Variants in AATF observed in about 807,000 individuals in gnomAD.
The protein encoded by AATF is protein AATF.
A neutral mutation model predicts 63.7 loss-of-function variants in AATF; 48 were observed. That is an observed-to-expected ratio of 0.75 (90% confidence interval 0.60 to 0.96). The LOEUF (loss-of-function observed/expected upper bound fraction) is 0.96. Among genes scored for constraint, AATF ranks in the 40% least tolerant of loss-of-function variants. The pLI is 0.00. For synonymous variants in AATF, 258 were observed against 247.7 expected, an observed-to-expected ratio of 1.04 and a Z score of -0.39; for missense variants, 639 against 685.7, an observed-to-expected ratio of 0.93 and a Z score of 0.76.
intron 8 of AATF, among the ~76,000 whole-genome samples, chr17:37,004,184 A>G (rs1159396260): frequency 6.6e-6 from 1 of 152,096 alleles, no homozygotes; most frequent in African/African-American, 2.4e-5. Flanking sequence ...ACAAAAAATT[A>G]GCCAGGCGTG....
chr17:37,022,113 CGTGTGTGTGTGTGTGTGTGTGT>C (rs71159679), intron 10 of AATF, among the ~76,000 whole-genome samples: 1 of 145,334 alleles, frequency 6.9e-6, no homozygotes, highest in Non-Finnish European at 1.5e-5. Flanking sequence ...TGGTAACTGC[CGTGTGTGTGTGTGTGTGTGTGT>C]GTGTGTGTGT....
chr17:36,960,466 A>G (rs896723508), intron 4 of AATF, among the ~76,000 whole-genome samples: 5 of 152,220 alleles, frequency 3.3e-5, no homozygotes, highest in Admixed American at 3.3e-4. Context: ...GTACATTCAC[A>G]TAGTTCAAAA....
At chr17:37,053,874 T>C (rs1365863651) in intron 11 of AATF, among the ~76,000 whole-genome samples, 1 of 152,054 alleles carries the variant, frequency 6.6e-6, no homozygotes, top group African/African-American at 2.4e-5. Flanking sequence ...CAAAAAAAAA[T>C]AGTTTATGTG....
chr17:37,031,739 G>T, intron 11 of AATF, 54 bp downstream of exon 11: 2 of 1,398,678 alleles, frequency 1.4e-6, no homozygotes, highest in South Asian at 2.3e-5. Context: ...GCCTGATATT[G>T]ACCTGCTCTA....
intron 8 of AATF, among the ~76,000 whole-genome samples, chr17:36,995,033 T>G (rs1567977060): frequency 6.6e-6 from 1 of 152,240 alleles, no homozygotes; most frequent in Non-Finnish European, 1.5e-5. Flanking sequence ...CTTCATGCGA[T>G]ATTTTGTTCT....
At chr17:36,953,586 A>G (rs1176997252) in intron 3 of AATF, among the ~76,000 whole-genome samples, 184 bp from the exon 4 acceptor site, 1 of 152,168 alleles carries the variant, frequency 6.6e-6, no homozygotes, top group Non-Finnish European at 1.5e-5. Flanking sequence ...TGCTGTAGCA[A>G]ATACTTGCTT....
rs141089078 is a variant in AATF, at chr17:36,952,199, A to C, written c.284-687A>C. Among the ~76,000 whole-genome samples, 215 of 152,350 alleles carry C rather than the reference A, an allele frequency of 1.4e-3. 5 individuals are homozygous for C. In the East Asian group the frequency reaches 0.027, roughly 19 times the overall value. ...TGCCTTATGCTTCATAAGTAAAATT[A>C]TAATGTCTCCTTCTCCACATGATAC... On this transcript the variant is annotated intron_variant, in intron 2 of 11. Coordinates refer to ENST00000619387, the MANE Select transcript of AATF (RefSeq NM_012138.4).
At chr17:36,962,628 A>T (rs1317643345) in intron 4 of AATF, among the ~76,000 whole-genome samples, 5 of 151,424 alleles carry the variant, frequency 3.3e-5, no homozygotes, top group Admixed American at 3.3e-4. Flanking sequence ...AGAGTGGCCC[A>T]GAGTAGCTCA....
At chr17:36,984,350 G>A (rs1340649054) in intron 4 of AATF, among the ~76,000 whole-genome samples, 1 of 152,212 alleles carries the variant, frequency 6.6e-6, no homozygotes, top group East Asian at 1.9e-4. Flanking sequence ...CCAAATGTGA[G>A]TGATCTATGA....
rs572757792 is a variant in AATF at position 37,020,661 on chromosome 17, G to A, written c.1467-273G>A. On this transcript the variant is annotated intron_variant, in intron 9 of 11. Coordinates refer to ENST00000619387, the MANE Select transcript of AATF (RefSeq NM_012138.4). ...ACTAAATCTGATGGGTTTGCCTGCA[G>A]ACTGGTAGATTTAGTGCTTGTCACA... 1.3e-3 allele frequency among the ~76,000 whole-genome samples: 193 copies of A among 152,322 alleles called. 1 individual carries two copies. Among genetic ancestry groups the A allele is most frequent in the African/African-American group, 4.6e-3 (190 of 41,564 alleles).
At position 37,020,960 on chromosome 17, in the gene AATF, G is replaced by A. The variant is rs368531596; in HGVS notation, c.1493G>A (p.Arg498Gln). The A allele has an allele frequency of 1.7e-5, 27 of 1,611,298 alleles. No homozygotes were observed. The highest frequency in any genetic ancestry group is 2.7e-5 in the African/African-American group (2 of 74,828). ...CAGTGGCTTGCAATCCAGAAGTTAC[G>A]AAGCAAAATCCACAAAAAAGTAGAT... ...GRQWLAIQKLRSKIHKKVDRK... is the reference protein window; with the variant it reads ...GRQWLAIQKLQSKIHKKVDRK... The change falls in exon 10 of 12, where the codon CGA becomes CAA. Residue 498 changes from arginine to glutamine, a missense_variant. Physicochemically the swap from Arg to Gln is conservative, Grantham distance 43. Transcript: ENST00000619387.
chr17:36,966,587 C>A (rs1419723249), intron 4 of AATF, among the ~76,000 whole-genome samples: 3 of 151,844 alleles, frequency 2.0e-5, no homozygotes, highest in Admixed American at 1.3e-4. Context: ...CATTTTAAAT[C>A]ATATTTTTAA....
At chr17:36,963,932 T>C (rs1039482959) in intron 4 of AATF, among the ~76,000 whole-genome samples, 1 of 152,138 alleles carries the variant, frequency 6.6e-6, no homozygotes, top group African/African-American at 2.4e-5. Context: ...ACCCTAGCAC[T>C]TTGGGAGGCC....
At chr17:37,016,246 A>G (rs890439462) in intron 8 of AATF, among the ~76,000 whole-genome samples, 2 of 152,276 alleles carry the variant, frequency 1.3e-5, no homozygotes, top group African/African-American at 4.8e-5. Flanking sequence ...TGTCTCTTAG[A>G]GGGGTTGAGA....
chr17:36,953,001 C>T lies in AATF; in HGVS notation c.399C>T (p.His133=). 1.2e-6 allele frequency: 2 copies of T among 1,614,030 alleles called. No individual in the cohort carries two copies. The highest frequency in any genetic ancestry group is 1.7e-6 in the Non-Finnish European group (2 of 1,180,012). The change falls in exon 3 of 12, where the codon CAC becomes CAT. Residue 133 remains histidine, a synonymous_variant. Coordinates refer to ENST00000619387, the MANE Select transcript of AATF (RefSeq NM_012138.4). The stretch of plus-strand genomic sequence containing the variant: ...CTGAGGAACAGGAGTGTGGTGATCA[C>T]AGGGAGAGCAAGAAGAGCAGAAGCC... ...GAAEEQECGD[H]RESKKSRSHS...
rs1167343815 is a variant in AATF at position 37,034,086 on chromosome 17, A to C, written c.1619+2401A>C. Among the ~76,000 whole-genome samples the C allele has an allele frequency of 2.6e-5, 4 of 152,180 alleles. No individual in the cohort carries two copies. The South Asian group carries it at 6.2e-4, about 24-fold the overall frequency. Reference sequence around the variant, plus strand: ...TTCCTAATTACCAGCATTGTTCTCCAGCTGGTTTAGCTACTTAAGGAATGG... The same window carrying C: ...TTCCTAATTACCAGCATTGTTCTCCCGCTGGTTTAGCTACTTAAGGAATGG... On this transcript the variant is annotated intron_variant, in intron 11 of 11. Coordinates refer to ENST00000619387, the MANE Select transcript of AATF (RefSeq NM_012138.4).
At chr17:36,978,345 A>G (rs900647628) in intron 4 of AATF, among the ~76,000 whole-genome samples, 2 of 152,096 alleles carry the variant, frequency 1.3e-5, no homozygotes, top group East Asian at 3.9e-4. Context: ...TCTCACAAAA[A>G]CACTTTGCAT....
chr17:37,037,422 C>G (rs1202149477), intron 11 of AATF, among the ~76,000 whole-genome samples: 1 of 152,206 alleles, frequency 6.6e-6, no homozygotes, highest in Non-Finnish European at 1.5e-5. Flanking sequence ...AGAGAATCCT[C>G]TAAGCATATT....
chr17:36,992,439 G>T (rs9907376), intron 8 of AATF, among the ~76,000 whole-genome samples: 10,228 of 152,106 alleles, frequency 0.067, 1,046 homozygotes, highest in African/African-American at 0.22. Flanking sequence ...CCTGATATGG[G>T]ATATTAATGC....
Sources: gnomAD v4.1 joint callset for allele counts (sites outside exome capture counted in the v4.1 genomes callset) on GRCh38, gnomAD v4.1.1 for gene constraint, MANE v1.5 for transcripts, NCBI Gene and HGNC (gene_info 2026-07-23, HGNC 2026-07-21) for gene names.